EEPD1: variants seen among roughly 807,000 people sequenced by gnomAD.
EEPD1 encodes endonuclease/exonuclease/phosphatase family domain containing 1, also known as endonuclease/exonuclease/phosphatase family domain-containing protein 1.
In EEPD1, 17 loss-of-function variants were observed where a neutral mutation model predicts 46.3. The ratio of observed to expected loss-of-function variants is 0.37; its 90% CI spans 0.25 to 0.55. The LOEUF (loss-of-function observed/expected upper bound fraction) is 0.55, where lower values mean the gene tolerates loss of function less well. Ranked by LOEUF, EEPD1 falls within the 20% of genes least tolerant of loss-of-function variation. The probability of loss-of-function intolerance (pLI) is 0.83; values close to 1 mark genes in which losing one functional copy is unlikely to be tolerated. For missense variants in EEPD1, 673 were observed against 745.6 expected, an observed-to-expected ratio of 0.90 and a Z score of 1.13; for synonymous variants, 313 against 315.6, an observed-to-expected ratio of 0.99 and a Z score of 0.09.
chr7:36,195,815 A>G (rs976310231), intron 2 of EEPD1, among the ~76,000 whole-genome samples: 6 of 152,400 alleles, frequency 3.9e-5, no homozygotes, highest in Admixed American at 3.3e-4. Context: ...TGATTTCACC[A>G]TAACACAATG....
intron 2 of EEPD1, among the ~76,000 whole-genome samples, chr7:36,234,862 T>C (rs780896521): frequency 1.4e-4 from 21 of 151,792 alleles, no homozygotes; most frequent in Non-Finnish European, 1.3e-4. Flanking sequence ...AACAGCCCCT[T>C]GGAGCTCTCA....
chr7:36,288,687 AG>A (rs1319717984), intron 6 of EEPD1, among the ~76,000 whole-genome samples: 1 of 151,874 alleles, frequency 6.6e-6, no homozygotes, highest in Non-Finnish European at 1.5e-5. Flanking sequence ...ACTTGAGCCC[AG>A]GAAGTCGAGG....
chr7:36,256,507 G>C lies in EEPD1; in HGVS notation c.930+17471G>C, dbSNP rs561081449. On this transcript the variant is annotated intron_variant, in intron 3 of 7. Transcript: ENST00000242108. ...TTGCTTTGTAAATCTGGGTGCTCCC[G>C]TATTGGGTGCATATATATTTAGGAT... is the stretch of plus-strand genomic sequence containing the variant. 1.7e-3 allele frequency among the ~76,000 whole-genome samples: 260 copies of C among 152,286 alleles called. 4 individuals are homozygous for C. The highest frequency in any genetic ancestry group is 1.6e-3 in the Non-Finnish European group (111 of 68,030).
chr7:36,205,412 T>C (rs921524702), intron 2 of EEPD1, among the ~76,000 whole-genome samples: 2 of 152,238 alleles, frequency 1.3e-5, no homozygotes, highest in Non-Finnish European at 2.9e-5. Context: ...CCTTACACAT[T>C]GTATCATCCC....
intron 3 of EEPD1, among the ~76,000 whole-genome samples, chr7:36,272,940 G>A (rs1001933392): frequency 8.5e-5 from 13 of 152,294 alleles, no homozygotes; most frequent in Non-Finnish European, 1.6e-4. Context: ...CATGTGGCAC[G>A]GAGTGGGCAT....
chr7:36,190,369 C>T (rs1202269820), intron 2 of EEPD1, among the ~76,000 whole-genome samples: 6 of 152,184 alleles, frequency 3.9e-5, no homozygotes. Context: ...GAGACCCTGT[C>T]TCAAACAAAC....
At chr7:36,170,321 A>G (rs1184173001) in intron 2 of EEPD1, among the ~76,000 whole-genome samples, 1 of 152,166 alleles carries the variant, frequency 6.6e-6, no homozygotes, top group Non-Finnish European at 1.5e-5. Context: ...AGGCAGGAGA[A>G]TCGCTTGAAC....
intron 3 of EEPD1, among the ~76,000 whole-genome samples, chr7:36,267,875 G>A (rs764980826): frequency 2.0e-5 from 3 of 152,120 alleles, no homozygotes; most frequent in Non-Finnish European, 4.4e-5. Context: ...TCATCAATGA[G>A]ATTAGTACCC....
chr7:36,286,197 A>G (rs1190256751), intron 5 of EEPD1, among the ~76,000 whole-genome samples: 1 of 152,176 alleles, frequency 6.6e-6, no homozygotes, highest in African/African-American at 2.4e-5. Context: ...AATCCTCTAA[A>G]TAAAGCAGCC....
chr7:36,208,894 G>A (rs186563726), intron 2 of EEPD1, among the ~76,000 whole-genome samples: 1 of 152,310 alleles, frequency 6.6e-6, no homozygotes, highest in East Asian at 1.9e-4. Flanking sequence ...ATGAAATGAG[G>A]ATTCAAACGG....
chr7:36,167,493 C>T (rs895510352), intron 2 of EEPD1, among the ~76,000 whole-genome samples: 1 of 152,152 alleles, frequency 6.6e-6, no homozygotes, highest in African/African-American at 2.4e-5. Context: ...TGGACCCTTG[C>T]ACTTCTCTCC....
At chr7:36,216,316 A>T (rs1272567313) in intron 2 of EEPD1, among the ~76,000 whole-genome samples, 1 of 152,082 alleles carries the variant, frequency 6.6e-6, no homozygotes, top group African/African-American at 2.4e-5. Flanking sequence ...CCCTCCTGTC[A>T]CCATTGCTCA....
At chr7:36,259,467 G>T (rs918524195) in intron 3 of EEPD1, among the ~76,000 whole-genome samples, 1 of 152,024 alleles carries the variant, frequency 6.6e-6, no homozygotes, top group African/African-American at 2.4e-5. Flanking sequence ...ATCTATACAT[G>T]TTACACCTTG....
intron 2 of EEPD1, among the ~76,000 whole-genome samples, chr7:36,211,267 C>G (rs1785926305): frequency 6.6e-6 from 1 of 152,186 alleles, no homozygotes; most frequent in Non-Finnish European, 1.5e-5. Flanking sequence ...GTAAAACATG[C>G]TATACATGCG....
At chr7:36,268,690 G>A (rs1787059995) in intron 3 of EEPD1, among the ~76,000 whole-genome samples, 1 of 152,166 alleles carries the variant, frequency 6.6e-6, no homozygotes, top group African/African-American at 2.4e-5. Flanking sequence ...AGGGGGATCT[G>A]TCTCTCTGTA....
chr7:36,181,989 T>C (rs1376893567), intron 2 of EEPD1, among the ~76,000 whole-genome samples: 1 of 152,164 alleles, frequency 6.6e-6, no homozygotes, highest in African/African-American at 2.4e-5. Flanking sequence ...TTTCTTACCA[T>C]TGATGAAAGC....
intron 2 of EEPD1, among the ~76,000 whole-genome samples, chr7:36,170,785 A>C (rs895309457): frequency 6.6e-6 from 1 of 152,244 alleles, no homozygotes. Flanking sequence ...TTACCTGTTC[A>C]TCCCCCCGAC....
intron 2 of EEPD1, among the ~76,000 whole-genome samples, chr7:36,196,049 T>C (rs563608365): frequency 1.3e-5 from 2 of 152,352 alleles, no homozygotes; most frequent in African/African-American, 4.8e-5. Context: ...CATGTTACTG[T>C]ACTGAATATT....
At chr7:36,175,060 C>T (rs915894535) in intron 2 of EEPD1, among the ~76,000 whole-genome samples, 2 of 152,162 alleles carry the variant, frequency 1.3e-5, no homozygotes, top group East Asian at 3.8e-4. Context: ...CAAGGTTTGC[C>T]TTATTTGACC....
Sources: gnomAD v4.1 joint callset for allele counts (sites outside exome capture counted in the v4.1 genomes callset) on GRCh38, gnomAD v4.1.1 for gene constraint, MANE v1.5 for transcripts, NCBI Gene and HGNC (gene_info 2026-07-23, HGNC 2026-07-21) for gene names.